The following PLEKHG1 variants were observed in gnomAD, a reference collection of about 807,000 sequenced individuals.
PLEKHG1 encodes pleckstrin homology domain-containing family G member 1.
A neutral mutation model predicts 100.8 loss-of-function variants in PLEKHG1; 44 were observed. That is an observed-to-expected ratio of 0.44 (90% confidence interval 0.34 to 0.56). The LOEUF (loss-of-function observed/expected upper bound fraction) is 0.56. PLEKHG1 is among the 20% of genes least tolerant of loss of function. The pLI is 0.01. For synonymous variants in PLEKHG1, 640 were observed against 662.5 expected, an observed-to-expected ratio of 0.97 and a Z score of 0.52; for missense variants, 1,545 against 1,720.9, an observed-to-expected ratio of 0.90 and a Z score of 1.81.
intron 2 of PLEKHG1, among the ~76,000 whole-genome samples, chr6:150,750,576 C>G (rs1272057143): frequency 6.6e-6 from 1 of 151,672 alleles, no homozygotes; most frequent in Non-Finnish European, 1.5e-5. Context: ...GTCAGGAGAT[C>G]GAGACCATCC....
chr6:150,806,500 C>T (rs1372264583), intron 7 of PLEKHG1, among the ~76,000 whole-genome samples: 1 of 151,888 alleles, frequency 6.6e-6, no homozygotes, highest in African/African-American at 2.4e-5. Context: ...GCCTGGCCAA[C>T]ATGGTGAAAC....
At chr6:150,628,317 G>C (rs1777583235) in intron 1 of PLEKHG1, among the ~76,000 whole-genome samples, 1 of 152,084 alleles carries the variant, frequency 6.6e-6, no homozygotes, top group African/African-American at 2.4e-5. Flanking sequence ...AATTGCTGCT[G>C]CTGTTTAATA....
chr6:150,622,858 C>A (rs972290629), intron 1 of PLEKHG1, among the ~76,000 whole-genome samples: 8 of 152,106 alleles, frequency 5.3e-5, no homozygotes, highest in Admixed American at 3.3e-4. Flanking sequence ...CCATGTAAGA[C>A]CCTTTTAGAA....
chr6:150,788,696 C>G (rs1336088927), intron 4 of PLEKHG1, among the ~76,000 whole-genome samples: 1 of 152,200 alleles, frequency 6.6e-6, no homozygotes, highest in Admixed American at 6.5e-5. Context: ...ACATCCACCT[C>G]TCATCTTGAC....
At chr6:150,672,973 T>C (rs1779628167) in intron 3 of PLEKHG1, among the ~76,000 whole-genome samples, 1 of 152,220 alleles carries the variant, frequency 6.6e-6, no homozygotes, top group African/African-American at 2.4e-5. Context: ...TGTAAAAGCA[T>C]TTAATTACTG....
intron 3 of PLEKHG1, among the ~76,000 whole-genome samples, chr6:150,659,315 G>T (rs1033802053): frequency 6.6e-6 from 1 of 151,982 alleles, no homozygotes; most frequent in Non-Finnish European, 1.5e-5. Flanking sequence ...TTTAATTCAA[G>T]TGTTCTAAAA....
upstream of PLEKHG1, chr6:150,721,048 C>A: frequency 1.6e-6 from 1 of 626,208 alleles, no homozygotes; most frequent in Non-Finnish European, 2.0e-6. Context: ...TTTGTAAAGC[C>A]TTTGTGTGTT....
At chr6:150,602,056 T>C (rs1776378137) in intron 1 of PLEKHG1, among the ~76,000 whole-genome samples, 1 of 152,206 alleles carries the variant, frequency 6.6e-6, no homozygotes, top group African/African-American at 2.4e-5. Flanking sequence ...TCCTATGTTG[T>C]GTTCCCCCTT....
At chr6:150,825,113 T>C (rs1157164794) in intron 14 of PLEKHG1, among the ~76,000 whole-genome samples, 2 of 152,138 alleles carry the variant, frequency 1.3e-5, no homozygotes, top group Non-Finnish European at 2.9e-5. Flanking sequence ...GCTTGAAAAC[T>C]TTCTACAGCA....
At chr6:150,661,982 G>T (rs1031295966) in intron 3 of PLEKHG1, among the ~76,000 whole-genome samples, 1 of 152,284 alleles carries the variant, frequency 6.6e-6, no homozygotes, top group African/African-American at 2.4e-5. Context: ...CCAGGATCCC[G>T]AGAGAAGGAT....
chr6:150,796,355 A>G (rs1461926764), intron 5 of PLEKHG1, among the ~76,000 whole-genome samples: 1 of 152,160 alleles, frequency 6.6e-6, no homozygotes, highest in East Asian at 1.9e-4. Flanking sequence ...AGTTCAGAGG[A>G]AGGACAGATC....
chr6:150,606,847 G>T (rs1776621429), intron 1 of PLEKHG1, among the ~76,000 whole-genome samples: 2 of 151,994 alleles, frequency 1.3e-5, no homozygotes, highest in South Asian at 4.2e-4. Flanking sequence ...CATGGTGATT[G>T]GGTCCTTCTG....
chr6:150,733,986 T>C (rs2128618061), exon 2 of PLEKHG1: 1 of 1,614,158 alleles, frequency 6.2e-7, no homozygotes, highest in Non-Finnish European at 8.5e-7. Flanking sequence ...CCCAAGACGA[T>C]CGCAGACTCG....
chr6:150,793,782 G>GC (rs1786139927), intron 4 of PLEKHG1, among the ~76,000 whole-genome samples: 1 of 152,118 alleles, frequency 6.6e-6, no homozygotes, highest in South Asian at 2.1e-4. Flanking sequence ...AATGGACAGG[G>GC]CATATTAAAT....
At chr6:150,649,978 C>T (rs1341334075) in intron 2 of PLEKHG1, among the ~76,000 whole-genome samples, 3 of 151,252 alleles carry the variant, frequency 2.0e-5, no homozygotes, top group Non-Finnish European at 2.9e-5. Context: ...CGCCACTGCA[C>T]TCCAGCCTGG....
exon 2 of PLEKHG1, chr6:150,733,876 C>A (rs775741514): frequency 3.1e-6 from 5 of 1,614,036 alleles, no homozygotes; most frequent in Non-Finnish European, 3.4e-6. Flanking sequence ...TTTCCAGCAG[C>A]GAGCTGCAGA....
chr6:150,690,621 C>T (rs1780317886), intron 3 of PLEKHG1, among the ~76,000 whole-genome samples: 1 of 152,144 alleles, frequency 6.6e-6, no homozygotes, highest in Non-Finnish European at 1.5e-5. Context: ...TCCTGGGCTT[C>T]AGCTATTCCA....
At chr6:150,649,980 C>G (rs899370552) in intron 2 of PLEKHG1, among the ~76,000 whole-genome samples, 1 of 151,544 alleles carries the variant, frequency 6.6e-6, no homozygotes, top group African/African-American at 2.4e-5. Flanking sequence ...CCACTGCACT[C>G]CAGCCTGGGC....
rs761526018 is a variant in PLEKHG1 at position 150,831,968 on chromosome 6, G to A, written c.2857G>A (p.Gly953Ser). 6 of 1,613,410 alleles carry A rather than the reference G, an allele frequency of 3.7e-6. No individual in the cohort carries two copies. The East Asian group carries it at 1.1e-4, about 30-fold the overall frequency. ...CAATCCCTACGACCTGGCCAACAGT[G>A]GCCTGTCTCAAACAGACCCAGAAAA... is the stretch of plus-strand genomic sequence containing the variant. Residue 953 changes from glycine to serine, a missense_variant, in exon 15 of 16, where the codon GGC becomes AGC. Transcript: ENST00000358517. This position sits in a 1 kb window ranked among gnomAD's most constrained non-coding sequence, Gnocchi z 4.1.
Sources: allele counts gnomAD v4.1 joint callset (sites outside exome capture counted in the v4.1 genomes callset), GRCh38; gene constraint gnomAD v4.1.1; non-coding constraint Gnocchi (gnomAD v3.1); transcripts MANE v1.5; gene names NCBI Gene and HGNC (gene_info 2026-07-23, HGNC 2026-07-21).